Variants in SLTM observed in about 807,000 individuals in gnomAD.
SLTM encodes the protein SAFB like transcription modulator, also known as SAFB-like transcription modulator.
Under a neutral mutation model 134.6 loss-of-function variants are expected in SLTM, and 43 were observed. That is an observed-to-expected ratio of 0.32 (90% confidence interval 0.25 to 0.41). The LOEUF (loss-of-function observed/expected upper bound fraction) is 0.41, where lower values mean the gene tolerates loss of function less well. SLTM is among the 10% of genes least tolerant of loss of function. The probability of loss-of-function intolerance (pLI) is 1.00; values close to 1 mark genes in which losing one functional copy is unlikely to be tolerated. For missense variants in SLTM, 1,055 were observed against 1,288.8 expected (o/e 0.82, Z 2.78); for synonymous variants, 424 against 432.3 (o/e 0.98, Z 0.24).
intron 5 of SLTM, among the ~76,000 whole-genome samples, chr15:58,903,696 TAATAAA>T (rs2035655598): frequency 1.4e-5 from 2 of 147,764 alleles, no homozygotes; most frequent in East Asian, 2.0e-4. Context: ...ATAATAATAA[TAATAAA>T]AAGATTAAAA....
intron 19 of SLTM, 109 bp downstream of exon 19, chr15:58,886,866 A>C: frequency 7.6e-7 from 1 of 1,321,518 alleles, no homozygotes; most frequent in Non-Finnish European, 1.0e-6. Context: ...GAATCATTCC[A>C]ATCTAGCTAA....
intron 2 of SLTM, among the ~76,000 whole-genome samples, chr15:58,924,468 T>C (rs183090181): frequency 7.5e-4 from 114 of 152,360 alleles, no homozygotes; most frequent in Admixed American, 2.4e-3. Context: ...ACGTTGCATA[T>C]ACTATTTATT....
At chr15:58,891,286 G>C (rs2034625141) in intron 14 of SLTM, among the ~76,000 whole-genome samples, 1 of 152,104 alleles carries the variant, frequency 6.6e-6, no homozygotes, top group Non-Finnish European at 1.5e-5. Context: ...GAATAGTGAG[G>C]ATAGTCGTAC....
At chr15:58,918,549 C>A (rs2036805463) in intron 2 of SLTM, among the ~76,000 whole-genome samples, 1 of 152,092 alleles carries the variant, frequency 6.6e-6, no homozygotes, top group African/African-American at 2.4e-5. Flanking sequence ...GGGGATTTTT[C>A]TTTTACTCAA....
chr15:58,906,746 A>G (rs1432341012), intron 5 of SLTM, among the ~76,000 whole-genome samples: 2 of 152,218 alleles, frequency 1.3e-5, no homozygotes, highest in Admixed American at 6.5e-5. Flanking sequence ...TTGGCACATA[A>G]GTACTCAAAA....
intron 8 of SLTM, 40 bp from the exon 9 acceptor site, chr15:58,897,273 C>A: frequency 8.5e-7 from 1 of 1,180,106 alleles, no homozygotes; most frequent in South Asian, 1.3e-5. Context: ...GTATCTCAAT[C>A]AGAATCTTTA....
At chr15:58,923,474 G>A (rs1362547766) in intron 2 of SLTM, among the ~76,000 whole-genome samples, 1 of 152,202 alleles carries the variant, frequency 6.6e-6, no homozygotes, top group African/African-American at 2.4e-5. Flanking sequence ...AACTTTGTGT[G>A]TAACCCCATC....
chr15:58,894,545 G>A lies in SLTM; in HGVS notation c.1265C>T (p.Pro422Leu). The A allele has an allele frequency of 6.2e-7, 1 of 1,614,064 alleles. No individual in the cohort carries two copies. The highest frequency in any genetic ancestry group is 8.5e-7 in the Non-Finnish European group (1 of 1,179,998). ...SAKVVTNARS[P>L]GAKCYGIVTM... ...TACAATGCCATAGCATTTTGCCCCAGGACTTCGAGCATTTGTAACTACTTT... is the reference window on the plus strand; with the variant it reads ...TACAATGCCATAGCATTTTGCCCCAAGACTTCGAGCATTTGTAACTACTTT... Residue 422 changes from proline (P) to leucine (L), a missense_variant, in exon 10 of 21, where the codon CCT (proline) becomes CTT (leucine). Physicochemically the swap from Pro to Leu is moderately conservative, Grantham distance 98. Around this residue, in one of 3 missense-constraint regions of SLTM, gnomAD observed 776 missense variants for 962.2 expected, o/e 0.81. Coordinates refer to ENST00000380516, the MANE Select transcript of SLTM (RefSeq NM_024755.4).
chr15:58,927,416 C>A (rs761535532), intron 2 of SLTM, among the ~76,000 whole-genome samples: 1 of 151,988 alleles, frequency 6.6e-6, no homozygotes, highest in Non-Finnish European at 1.5e-5. Context: ...ATTACAGATG[C>A]GAAACACCAT....
chr15:58,903,678 A>T (rs1275500456), intron 5 of SLTM, among the ~76,000 whole-genome samples: 1 of 151,602 alleles, frequency 6.6e-6, no homozygotes, highest in Admixed American at 6.6e-5. Flanking sequence ...CCTAAAACTT[A>T]AAGTATAATA....
At position 58,912,615 on chromosome 15, in the gene SLTM, G is replaced by A; in HGVS notation, c.514-5C>T. On this transcript the variant is annotated splice_region_variant and splice_polypyrimidine_tract_variant and intron_variant, in intron 4 of 20. Transcript: ENST00000380516. ...ACCTTCTTGAGCTTCAATTTCCTAAGTAAAAGGGTATACAATAGCTTTGCT... is the reference window on the plus strand; with the variant it reads ...ACCTTCTTGAGCTTCAATTTCCTAAATAAAAGGGTATACAATAGCTTTGCT... 3.1e-6 allele frequency: 5 copies of A among 1,599,196 alleles called. No individual in the cohort carries two copies. Among genetic ancestry groups the A allele is most frequent in the Non-Finnish European group, 4.3e-6 (5 of 1,170,676 alleles).
intron 20 of SLTM, chr15:58,883,409 C>A (rs574777583): frequency 1.7e-4 from 100 of 575,812 alleles, no homozygotes; most frequent in African/African-American, 1.4e-3. Flanking sequence ...GCCAGAACGT[C>A]ACTGAATTCA....
chr15:58,899,064 A>G lies in SLTM; in HGVS notation c.1059-212T>C, dbSNP rs1197798235. The G allele has an allele frequency of 1.2e-5, 6 of 494,534 alleles. No homozygotes were observed. Among genetic ancestry groups the G allele is most frequent in the Admixed American group, 7.9e-5 (2 of 25,448 alleles). The allele number at this position is 494,534 out of a possible 1,614,324, so 30.6% of individuals were successfully genotyped here. The stretch of plus-strand genomic sequence containing the variant: ...GCCTGAAGATCTAGATTTTCTGACA[A>G]TTCTATTCAGTGGAAATATGGCCAT... On this transcript the variant is annotated intron_variant, in intron 7 of 20. Transcript: ENST00000380516. This position sits in a 1 kb window ranked among gnomAD's most constrained non-coding sequence, Gnocchi z 5.0.
In SLTM at chr15:58,933,532, C is replaced by T. The variant is rs2038053131; in HGVS notation, c.34G>A (p.Ala12Thr). The change falls in exon 1 of 21, where the codon GCC (alanine) becomes ACC (threonine). Residue 12 changes from alanine to threonine, a missense_variant. Ala to Thr is a moderately conservative substitution (Grantham distance 58, BLOSUM62 0). Coordinates refer to ENST00000380516, the MANE Select transcript of SLTM (RefSeq NM_024755.4). ...AAATGAVAAS[A>T]ASGQAEGKKI... Reference sequence around the variant, plus strand: ...TTACCTTCCGCCTGACCCGAGGCGGCCGAGGCTGCCACCGCACCGGTAGCG... The same window carrying T: ...TTACCTTCCGCCTGACCCGAGGCGGTCGAGGCTGCCACCGCACCGGTAGCG... The T allele has an allele frequency of 1.3e-6, 2 of 1,595,982 alleles. No individual in the cohort carries two copies. Among genetic ancestry groups the T allele is most frequent in the African/African-American group, 2.7e-5 (2 of 72,960 alleles).
chr15:58,907,975 T>C (rs570497922), intron 5 of SLTM, among the ~76,000 whole-genome samples: 26 of 151,322 alleles, frequency 1.7e-4, no homozygotes, highest in South Asian at 1.7e-3. Flanking sequence ...GCTCCTGAAA[T>C]AGATATATCC....
chr15:58,886,566 A>G (rs1304221975), intron 19 of SLTM, among the ~76,000 whole-genome samples: 1 of 152,162 alleles, frequency 6.6e-6, no homozygotes. Context: ...GGCATGAGCC[A>G]CCATGCCCGG....
At position 58,901,301 on chromosome 15, in the gene SLTM, A is replaced by G. The variant is rs1208653557; in HGVS notation, c.562-14T>C. The stretch of plus-strand genomic sequence containing the variant: ...TTCCTCACCATCCTGAAATTCAAAG[A>G]ATAATCAAATGTAAAATGAATTCAC... On this transcript the variant is annotated splice_polypyrimidine_tract_variant and intron_variant, in intron 5 of 20. Coordinates refer to ENST00000380516, the MANE Select transcript of SLTM (RefSeq NM_024755.4). 6.3e-7 allele frequency: 1 copy of G among 1,598,984 alleles called. No homozygotes were observed.
intron 5 of SLTM, among the ~76,000 whole-genome samples, chr15:58,904,907 C>T (rs571512831): frequency 2.0e-5 from 3 of 152,252 alleles, no homozygotes; most frequent in African/African-American, 7.2e-5. Context: ...GATGGGGTTT[C>T]ACCTTGTTGG....
At chr15:58,918,906 T>C (rs1205750184) in intron 2 of SLTM, among the ~76,000 whole-genome samples, 6 of 151,818 alleles carry the variant, frequency 4.0e-5, no homozygotes, top group Non-Finnish European at 7.4e-5. Flanking sequence ...AAAAGAAAAC[T>C]ACTAAATTCT....
Sources: gnomAD v4.1 joint callset for allele counts (sites outside exome capture counted in the v4.1 genomes callset) on GRCh38, gnomAD v4.1.1 for gene constraint, gnomAD v4.1.1 regional missense constraint, Gnocchi (gnomAD v3.1) non-coding constraint, MANE v1.5 for transcripts, NCBI Gene and HGNC (gene_info 2026-07-23, HGNC 2026-07-21) for gene names.